The following ANO7 variants were observed in gnomAD, a reference collection of about 807,000 sequenced individuals.
The protein encoded by ANO7 is anoctamin 7.
In ANO7, 114 loss-of-function variants were observed where a neutral mutation model predicts 115.8. The ratio of observed to expected loss-of-function variants is 0.98; its 90% CI spans 0.85 to 1.15. The LOEUF (loss-of-function observed/expected upper bound fraction) is 1.15, where lower values mean the gene tolerates loss of function less well. Ranked by LOEUF, ANO7 falls within the 50% of genes most tolerant of loss-of-function variation. The pLI, the probability that ANO7 is intolerant of heterozygous loss-of-function variation, is 0.00. For missense variants in ANO7, 1,302 were observed against 1,201.2 expected (o/e 1.08, Z -1.24); for synonymous variants, 550 against 498.2 (o/e 1.10, Z -1.38).
downstream of ANO7, chr2:241,227,656 G>A (rs1457958858): frequency 2.6e-5 from 4 of 152,668 alleles, no homozygotes; most frequent in South Asian, 2.1e-4. Flanking sequence ...AAAACTTGGT[G>A]AGAATTAAAA....
chr2:241,226,485 T>C (rs1462670687), downstream of ANO7, among the ~76,000 whole-genome samples: 7 of 151,272 alleles, frequency 4.6e-5, no homozygotes, highest in Non-Finnish European at 7.4e-5. Flanking sequence ...AGTGCAGTGG[T>C]ACGATCTCGG....
intron 11 of ANO7, 71 bp downstream of exon 11, chr2:241,207,741 G>T: frequency 7.1e-7 from 1 of 1,416,164 alleles, no homozygotes; most frequent in Admixed American, 1.7e-5. Flanking sequence ...CCTTGTCCTG[G>T]TCCTGACTCT....
chr2:241,231,082 A>G, the ANO7 span: 51 of 745,664 alleles, frequency 6.8e-5, no homozygotes, highest in African/African-American at 8.0e-4. Context: ...TTAAAACAAG[A>G]GGTTAACAAT....
At chr2:241,207,470 C>CAGAGAGGACAAGGGAG in intron 10 of ANO7, 104 bp from the exon 11 acceptor site, 3 of 834,852 alleles carry the variant, frequency 3.6e-6, no homozygotes, top group South Asian at 2.9e-5. Flanking sequence ...CAGTGGTGGA[C>CAGAGAGGACAAGGGAG]AGAGAGGACA....
intron 5 of ANO7, 134 bp downstream of exon 5, chr2:241,199,557 C>T (rs1011330830): frequency 6.6e-5 from 55 of 831,940 alleles, no homozygotes; most frequent in Non-Finnish European, 1.0e-4. Context: ...CCCACCCCGA[C>T]ACCAGGCCCC....
the ANO7 span, among the ~76,000 whole-genome samples, chr2:241,237,993 AC>A: frequency 6.6e-6 from 1 of 152,266 alleles, no homozygotes; most frequent in Non-Finnish European, 1.5e-5. Context: ...CTGCAGGGCC[AC>A]CTGCCGCCCA....
the ANO7 span, among the ~76,000 whole-genome samples, chr2:241,234,826 T>C: frequency 6.6e-6 from 1 of 152,246 alleles, no homozygotes; most frequent in Non-Finnish European, 1.5e-5. Context: ...TCTCGCAACC[T>C]TGACCTTTCT....
intron 15 of ANO7, among the ~76,000 whole-genome samples, chr2:241,211,715 G>A (rs2068723965): frequency 6.6e-6 from 1 of 152,044 alleles, no homozygotes; most frequent in African/African-American, 2.4e-5. Flanking sequence ...GGGGTGTTGA[G>A]CCTCCCTCTT....
rs143196321 is a variant in ANO7 at position 241,197,048 on chromosome 2, G to A, written c.309+1203G>A. Among the ~76,000 whole-genome samples the A allele has an allele frequency of 8.5e-3, 1,288 of 152,266 alleles. 12 individuals are homozygous for A. The highest frequency in any genetic ancestry group is 0.023 in the African/African-American group (960 of 41,560). On this transcript the variant is annotated intron_variant, in intron 4 of 24. Coordinates refer to ENST00000674324, the MANE Select transcript of ANO7 (RefSeq NM_001370694.2). ...ACACTTGATACTGCAGACTTTTAAC[G>A]TTTTACCAACCAGTTGGGATATAGT...
chr2:241,212,479 G>A lies in ANO7; in HGVS notation c.1674-93G>A, dbSNP rs1216776679. 6.6e-6 allele frequency: 9 copies of A among 1,369,350 alleles called. No individual in the cohort carries two copies. In the African/African-American group the frequency reaches 8.6e-5, roughly 13 times the overall value. The allele number at this position is 1,369,350 out of a possible 1,614,324, so 84.8% of individuals were successfully genotyped here. A position where few individuals can be genotyped will look rare whatever the true frequency, so the allele number is the denominator to read the frequency against. ...ACAGTTCGTGCTTCCTCCAGGGCAG[G>A]TGCAGCAGCTCTGCTGAGGCCTCCA... is the stretch of plus-strand genomic sequence containing the variant. On this transcript the variant is annotated intron_variant, in intron 16 of 24. Transcript: ENST00000674324.
chr2:241,236,536 C>T, the ANO7 span: 2 of 1,463,242 alleles, frequency 1.4e-6, no homozygotes, highest in Middle Eastern at 1.8e-4. Context: ...ACCGTCCATC[C>T]CATCCAGGCC....
chr2:241,204,360 G>T (rs1162611254), intron 9 of ANO7, among the ~76,000 whole-genome samples: 3 of 147,814 alleles, frequency 2.0e-5, no homozygotes, highest in African/African-American at 7.5e-5. Context: ...GGCAGTGGGG[G>T]TACATGCTGA....
At chr2:241,239,893 C>T in the ANO7 span, 1 of 1,613,766 alleles carries the variant, frequency 6.2e-7, no homozygotes, top group Non-Finnish European at 8.5e-7. The surrounding 1 kb of genome is among the most constrained non-coding windows in gnomAD (Gnocchi z 4.6). Context: ...CCGAGGCCCG[C>T]TCCCTACCAG....
chr2:241,235,457 C>T, the ANO7 span: 1 of 1,544,542 alleles, frequency 6.5e-7, no homozygotes, highest in South Asian at 1.1e-5. Flanking sequence ...ACAGGCCACT[C>T]CTGTGACATG....
At chr2:241,193,059 T>G (rs886276883) in intron 3 of ANO7, among the ~76,000 whole-genome samples, 1 of 152,006 alleles carries the variant, frequency 6.6e-6, no homozygotes, top group African/African-American at 2.4e-5. Context: ...TTTGGTTGGT[T>G]GGTTTTTTGT....
At chr2:241,217,647 A>C in intron 19 of ANO7, 39 bp from the exon 20 acceptor site, 1 of 1,542,864 alleles carries the variant, frequency 6.5e-7, no homozygotes. Context: ...CTGAGGGCGG[A>C]CGGTGGCGGA....
In ANO7 at chr2:241,214,756, TGA is replaced by T. The variant is rs765984797; in HGVS notation, c.1729-47_1729-46del. On this transcript the variant is annotated intron_variant, in intron 17 of 24. Transcript: ENST00000674324. ...TTTGAGACAAGAAGGGATGCGTGGG[TGA>T]GTGGCTGGTCCCCCTCTCCCAGCTA... 5 of 1,529,694 alleles carry T rather than the reference TGA, an allele frequency of 3.3e-6. No homozygotes were observed. The South Asian group carries it at 5.7e-5, about 17-fold the overall frequency. 94.8% of individuals were successfully genotyped at this position (1,529,694 alleles called of 1,614,324 possible). A position where few individuals can be genotyped will look rare whatever the true frequency, so the allele number is the denominator to read the frequency against.
intron 11 of ANO7, among the ~76,000 whole-genome samples, chr2:241,209,022 G>T (rs763731104): frequency 3.3e-5 from 5 of 152,184 alleles, no homozygotes; most frequent in Non-Finnish European, 7.3e-5. Flanking sequence ...GGTGGCGGGC[G>T]CCTGTAGTCC....
At chr2:241,216,985 C>G (rs942364443) in intron 19 of ANO7, among the ~76,000 whole-genome samples, 2 of 152,180 alleles carry the variant, frequency 1.3e-5, no homozygotes, top group African/African-American at 4.8e-5. Flanking sequence ...AGGCGCCCAC[C>G]ACCACGCCCG....
Sources: gnomAD v4.1 joint callset for allele counts (sites outside exome capture counted in the v4.1 genomes callset) on GRCh38, gnomAD v4.1.1 for gene constraint, Gnocchi (gnomAD v3.1) non-coding constraint, MANE v1.5 for transcripts, NCBI Gene and HGNC (gene_info 2026-07-23, HGNC 2026-07-21) for gene names.